Variants in IREB2 observed in about 807,000 individuals in gnomAD.
IREB2 encodes iron responsive element binding protein 2.
In IREB2, 39 loss-of-function variants were observed where a neutral mutation model predicts 118.8. The ratio of observed to expected loss-of-function variants is 0.33; its 90% CI spans 0.25 to 0.43. The LOEUF (loss-of-function observed/expected upper bound fraction) is 0.43, where lower values mean the gene tolerates loss of function less well. Ranked by LOEUF, IREB2 falls within the 20% of genes least tolerant of loss-of-function variation. The pLI is 1.00. For missense variants in IREB2, 900 were observed against 1,147.3 expected (o/e 0.78, Z 3.11); for synonymous variants, 372 against 392.2 (o/e 0.95, Z 0.61).
At chr15:78,465,804 G>A (rs1418374730) in intron 4 of IREB2, among the ~76,000 whole-genome samples, 2 of 152,004 alleles carry the variant, frequency 1.3e-5, no homozygotes, top group East Asian at 3.9e-4. Context: ...TATTTATAAG[G>A]CCCCTTTGAC....
intron 13 of IREB2, among the ~76,000 whole-genome samples, chr15:78,486,756 A>T (rs1283536030): frequency 6.6e-6 from 1 of 152,066 alleles, no homozygotes; most frequent in Non-Finnish European, 1.5e-5. Context: ...TGCAGCCTCG[A>T]CCTCCTAGGC....
intron 5 of IREB2, among the ~76,000 whole-genome samples, chr15:78,467,675 G>A (rs2051306985): frequency 6.6e-6 from 1 of 151,628 alleles, no homozygotes; most frequent in Non-Finnish European, 1.5e-5. Flanking sequence ...GGGTGACAGA[G>A]CAAGACTCTG....
At chr15:78,450,638 G>A (rs1388944569) in intron 2 of IREB2, among the ~76,000 whole-genome samples, 2 of 152,196 alleles carry the variant, frequency 1.3e-5, no homozygotes, top group African/African-American at 4.8e-5. Context: ...TGTAGAAGGA[G>A]TGACAGCTCA....
chr15:78,466,296 G>A lies in IREB2; in HGVS notation c.436G>A (p.Gly146Arg). 1 of 1,613,492 alleles carries A rather than the reference G, an allele frequency of 6.2e-7. No homozygotes were observed. Among genetic ancestry groups the A allele is most frequent in the Non-Finnish European group, 8.5e-7 (1 of 1,179,628 alleles). Residue 146 changes from glycine (G) to arginine (R), a missense_variant, in exon 5 of 22, where the codon GGA becomes AGA. Physicochemically the swap from Gly to Arg is moderately radical, Grantham distance 125 (BLOSUM62 -2). Coordinates refer to ENST00000258886, the MANE Select transcript of IREB2 (RefSeq NM_004136.4). Reference protein sequence around the residue: ...KCAIQNAPNPGGGDLQKAGKL... With the variant: ...KCAIQNAPNPRGGDLQKAGKL... ...TGCAATACAGAATGCACCAAATCCT[G>A]GAGGTGGTGACCTGCAGAAAGCAGG...
At chr15:78,489,065 C>A (rs544295802) in intron 16 of IREB2, among the ~76,000 whole-genome samples, 62 of 152,130 alleles carry the variant, frequency 4.1e-4, no homozygotes, top group African/African-American at 1.4e-3. Context: ...ACTAAAAATA[C>A]AAAACAATTA....
Position 78,476,210 on chromosome 15 carries a change from C to T in IREB2, c.1046C>T (p.Ala349Val). 1 of 1,595,970 alleles carries T rather than the reference C, an allele frequency of 6.3e-7. No homozygotes were observed. ...TAGCACCTCAGGCAAGTAGGAGTGG[C>T]TGGAAAGTTTGTTGAGTTTTTTGGA... ...ITKHLRQVGV[A>V]GKFVEFFGSG... is the part of the protein sequence containing the mutation. The change falls in exon 9 of 22, where the codon GCT (alanine) becomes GTT (valine). Residue 349 changes from alanine to valine, a missense_variant. Ala to Val is a moderately conservative substitution (Grantham distance 64). Transcript: ENST00000258886.
chr15:78,497,319 T>C lies in IREB2; in HGVS notation c.2781+8T>C, dbSNP rs1436905558. 1 of 1,589,154 alleles carries C rather than the reference T, an allele frequency of 6.3e-7. No individual in the cohort carries two copies. The highest frequency in any genetic ancestry group is 8.6e-7 in the Non-Finnish European group (1 of 1,159,620). ...ATTACATTGAATATACAGGTATCTC[T>C]AAATTTTTCAAATATATGATTATGC... On this transcript the variant is annotated splice_region_variant and intron_variant, in intron 21 of 21. Coordinates refer to ENST00000258886, the MANE Select transcript of IREB2 (RefSeq NM_004136.4).
chr15:78,467,171 T>TG (rs889638093), intron 5 of IREB2, among the ~76,000 whole-genome samples: 1 of 141,444 alleles, frequency 7.1e-6, no homozygotes, highest in Non-Finnish European at 1.5e-5. Flanking sequence ...ATCATGCCAC[T>TG]GCACTCCAGC....
intron 16 of IREB2, among the ~76,000 whole-genome samples, chr15:78,489,974 C>G (rs1327636207): frequency 6.6e-6 from 1 of 152,170 alleles, no homozygotes; most frequent in Non-Finnish European, 1.5e-5. Context: ...TTTCTAAATT[C>G]TTTAACTTTT....
intron 5 of IREB2, among the ~76,000 whole-genome samples, chr15:78,469,782 C>T (rs1292486419): frequency 6.6e-6 from 1 of 152,136 alleles, no homozygotes; most frequent in Admixed American, 6.5e-5. Flanking sequence ...TATCTGGTCC[C>T]TGGAGGACAC....
intron 2 of IREB2, among the ~76,000 whole-genome samples, chr15:78,454,806 G>A (rs1048592877): frequency 2.0e-5 from 3 of 152,152 alleles, no homozygotes; most frequent in Admixed American, 1.3e-4. Flanking sequence ...GGAGCCTCCC[G>A]CTTCAGCCTC....
rs1182186825 is a variant in IREB2, at chr15:78,485,960, T to C, written c.1709+120T>C. 3 of 825,264 alleles carry C rather than the reference T, an allele frequency of 3.6e-6. No homozygotes were observed. In the African/African-American group the frequency reaches 5.2e-5, roughly 14 times the overall value. 51.1% of individuals were successfully genotyped at this position (825,264 alleles called of 1,614,324 possible). On this transcript the variant is annotated intron_variant, in intron 13 of 21. Coordinates refer to ENST00000258886, the MANE Select transcript of IREB2 (RefSeq NM_004136.4). ...AAAAATATGCTTTAGTTTTACTTGC[T>C]ACCTTGCCATTACCATACAATTTTT... is the stretch of plus-strand genomic sequence containing the variant.
At chr15:78,487,048 T>A (rs1467392498) in intron 13 of IREB2, among the ~76,000 whole-genome samples, 1 of 152,220 alleles carries the variant, frequency 6.6e-6, no homozygotes, top group African/African-American at 2.4e-5. Context: ...TAGACTTTTT[T>A]GCTTTTAGAA....
intron 10 of IREB2, among the ~76,000 whole-genome samples, chr15:78,482,897 A>G (rs933380728): frequency 6.6e-6 from 1 of 151,860 alleles, no homozygotes; most frequent in African/African-American, 2.4e-5. Flanking sequence ...ACAGGCGCCC[A>G]CCACCACGCC....
intron 1 of IREB2, 40 bp downstream of exon 1, chr15:78,438,396 A>C (rs1361955792): frequency 6.3e-7 from 1 of 1,586,892 alleles, no homozygotes; most frequent in Non-Finnish European, 8.6e-7. Context: ...GCAGTTGGAA[A>C]CGCGCGCTGC....
chr15:78,484,865 T>C lies in IREB2; in HGVS notation c.1518T>C (p.Ile506=). Residue 506 remains isoleucine (I), a synonymous_variant, in exon 12 of 22, where the codon ATT becomes ATC. Coordinates refer to ENST00000258886, the MANE Select transcript of IREB2 (RefSeq NM_004136.4). ...AGCTGTCTCATGGATCAGTGGTCAT[T>C]GCTGCAGTTATCAGTTGTACCAATA... The part of the protein sequence containing the change: ...EYKLSHGSVV[I]AAVISCTNNC... The C allele has an allele frequency of 6.2e-7, 1 of 1,614,020 alleles. No homozygotes were observed. Among genetic ancestry groups the C allele is most frequent in the South Asian group, 1.1e-5 (1 of 91,066 alleles).
intron 2 of IREB2, among the ~76,000 whole-genome samples, chr15:78,444,964 C>G (rs890677665): frequency 6.6e-6 from 1 of 152,076 alleles, no homozygotes; most frequent in African/African-American, 2.4e-5. Flanking sequence ...AATATTGAGG[C>G]TGATAGTAAC....
intron 5 of IREB2, 45 bp from the exon 6 acceptor site, chr15:78,470,486 CT>C: frequency 4.0e-6 from 5 of 1,258,180 alleles, no homozygotes; most frequent in Admixed American, 1.9e-5. Context: ...CAAGGCAAGT[CT>C]TTTTTGTAAT....
At chr15:78,479,927 A>AAG (rs2051537760) in intron 10 of IREB2, 1 of 152,062 alleles carries the variant, frequency 6.6e-6, no homozygotes, top group Admixed American at 6.6e-5. Flanking sequence ...TCTAAAAAAA[A>AAG]AAAAAAAAAT....
Sources: allele counts gnomAD v4.1 joint callset (sites outside exome capture counted in the v4.1 genomes callset), GRCh38; gene constraint gnomAD v4.1.1; transcripts MANE v1.5; gene names NCBI Gene and HGNC (gene_info 2026-07-23, HGNC 2026-07-21).